HS6ST3: variants seen among roughly 807,000 people sequenced by gnomAD.
HS6ST3 encodes the protein heparan-sulfate 6-O-sulfotransferase 3.
HS6ST3 carries 12 observed loss-of-function variants against 36.7 expected under a neutral mutation model. The ratio of observed to expected loss-of-function variants is 0.33; its 90% CI spans 0.21 to 0.53. The LOEUF (loss-of-function observed/expected upper bound fraction) is 0.53, where lower values mean the gene tolerates loss of function less well. Among genes scored for constraint, HS6ST3 ranks in the 20% least tolerant of loss-of-function variants. The pLI is 0.95. For missense variants in HS6ST3, 584 were observed against 640.9 expected (o/e 0.91, Z 0.96); for synonymous variants, 240 against 257.5 (o/e 0.93, Z 0.65).
intron 1 of HS6ST3, among the ~76,000 whole-genome samples, chr13:96,646,053 T>G (rs1225099851): frequency 6.6e-6 from 1 of 151,534 alleles, no homozygotes; most frequent in Non-Finnish European, 1.5e-5. Flanking sequence ...CAGATAAAAC[T>G]TAGAATTTTC....
chr13:96,104,495 T>G (rs2053832018), intron 1 of HS6ST3, among the ~76,000 whole-genome samples: 1 of 152,214 alleles, frequency 6.6e-6, no homozygotes, highest in Non-Finnish European at 1.5e-5. Flanking sequence ...CTGAAGGAAC[T>G]GCCTCTCCTA....
intron 1 of HS6ST3, among the ~76,000 whole-genome samples, chr13:96,242,574 G>T (rs1480904673): frequency 2.0e-5 from 3 of 151,768 alleles, no homozygotes; most frequent in African/African-American, 7.3e-5. Context: ...GTCCTTCTAT[G>T]ACTAGCCTAT....
In HS6ST3 at chr13:96,497,282, T is replaced by C. The variant is rs115881396; in HGVS notation, c.708-335208T>C. 7.6e-3 allele frequency among the ~76,000 whole-genome samples: 1,155 copies of C among 152,254 alleles called. 12 individuals carry two copies. The highest frequency in any genetic ancestry group is 0.027 in the African/African-American group (1,110 of 41,542). On this transcript the variant is annotated intron_variant, in intron 1 of 1. Transcript: ENST00000376705. The stretch of plus-strand genomic sequence containing the variant: ...AGGACTGCTAATGTTACTACCTGCA[T>C]TGGTGAATTCTGACCCATGAACTTA...
chr13:96,348,311 C>A (rs1015667994), intron 1 of HS6ST3, among the ~76,000 whole-genome samples: 10 of 152,146 alleles, frequency 6.6e-5, no homozygotes, highest in Non-Finnish European at 1.5e-4. Context: ...AGTTGAGGAC[C>A]TATTATTGTA....
intron 1 of HS6ST3, among the ~76,000 whole-genome samples, chr13:96,219,113 A>G (rs2054442059): frequency 1.3e-5 from 2 of 151,450 alleles, no homozygotes; most frequent in African/African-American, 4.9e-5. Context: ...CCTTGCATAC[A>G]GGCATGTTTC....
At chr13:96,645,454 C>T (rs758912163) in intron 1 of HS6ST3, among the ~76,000 whole-genome samples, 1 of 150,514 alleles carries the variant, frequency 6.6e-6, no homozygotes, top group Non-Finnish European at 1.5e-5. Flanking sequence ...ACCTATGATT[C>T]CTTTTATCTA....
chr13:96,284,471 T>C lies in HS6ST3; in HGVS notation c.707+192902T>C, dbSNP rs576654406. On this transcript the variant is annotated intron_variant, in intron 1 of 1. Transcript: ENST00000376705. ...AAGCATCCAGCATGGGAGAAAGATA[T>C]AGGCCAGAGGTCTAAGTCAGTCTAG... Among the ~76,000 whole-genome samples the C allele has an allele frequency of 3.0e-4, 46 of 152,264 alleles. No homozygotes were observed. In the South Asian group the frequency reaches 7.1e-3, roughly 23 times the overall value.
At position 96,799,986 on chromosome 13, in the gene HS6ST3, A is replaced by ATATATATATG. The variant is rs1555325255; in HGVS notation, c.708-32495_708-32494insGTATATATAT. On this transcript the variant is annotated intron_variant, in intron 1 of 1. Transcript: ENST00000376705. ...TATGTGTATATATATATATATGTAT[A>ATATATATATG]TATATATATATGTATATATATATAT... Among the ~76,000 whole-genome samples, 33 of 124,272 alleles carry ATATATATATG rather than the reference A, an allele frequency of 2.7e-4. 3 individuals carry two copies. Among genetic ancestry groups the ATATATATATG allele is most frequent in the East Asian group, 8.5e-4 (4 of 4,690 alleles). 81.5% of individuals were successfully genotyped at this position (124,272 alleles called of 152,430 possible). A position where few individuals can be genotyped will look rare whatever the true frequency, so the allele number is the denominator to read the frequency against.
chr13:96,264,716 G>A (rs2054683222), intron 1 of HS6ST3, among the ~76,000 whole-genome samples: 1 of 152,156 alleles, frequency 6.6e-6, no homozygotes, highest in Non-Finnish European at 1.5e-5. Context: ...GATCTGGGGA[G>A]ATGAGAGGTT....
chr13:96,222,502 C>T (rs2054460875), intron 1 of HS6ST3, among the ~76,000 whole-genome samples: 1 of 152,220 alleles, frequency 6.6e-6, no homozygotes, highest in Non-Finnish European at 1.5e-5. Flanking sequence ...ACAAGATCAG[C>T]AAATGCTAAC....
intron 1 of HS6ST3, among the ~76,000 whole-genome samples, chr13:96,531,590 G>A (rs1292692081): frequency 6.6e-6 from 1 of 152,170 alleles, no homozygotes; most frequent in African/African-American, 2.4e-5. Flanking sequence ...GGTGGTCTGT[G>A]ACCCATTAAT....
At chr13:96,550,690 G>A (rs8000589) in intron 1 of HS6ST3, among the ~76,000 whole-genome samples, 12,796 of 151,728 alleles carry the variant, frequency 0.084, 980 homozygotes, top group African/African-American at 0.21. Flanking sequence ...AAAACTTGGC[G>A]TAATTATGTA....
intron 1 of HS6ST3, among the ~76,000 whole-genome samples, chr13:96,601,146 G>T (rs754273886): frequency 2.6e-5 from 4 of 152,032 alleles, no homozygotes; most frequent in Non-Finnish European, 5.9e-5. Context: ...ATGCTTCGGT[G>T]ATGTCCTTTT....
intron 1 of HS6ST3, among the ~76,000 whole-genome samples, chr13:96,095,991 G>T (rs1288470801): frequency 6.6e-6 from 1 of 151,618 alleles, no homozygotes; most frequent in African/African-American, 2.4e-5. Flanking sequence ...TCAATTGTAG[G>T]TGCAAATACA....
chr13:96,649,542 TTC>T (rs541538220), intron 1 of HS6ST3, among the ~76,000 whole-genome samples: 90 of 152,190 alleles, frequency 5.9e-4, no homozygotes, highest in African/African-American at 2.0e-3. Flanking sequence ...TCCTTGACTC[TTC>T]TCTCTGTTTC....
At chr13:96,245,415 G>A (rs907512775) in intron 1 of HS6ST3, among the ~76,000 whole-genome samples, 6 of 152,240 alleles carry the variant, frequency 3.9e-5, no homozygotes, top group Admixed American at 6.5e-5. Flanking sequence ...CAAGTCTTTT[G>A]ACAATTTAAG....
chr13:96,100,210 G>A (rs2053811292), intron 1 of HS6ST3, among the ~76,000 whole-genome samples: 1 of 151,990 alleles, frequency 6.6e-6, no homozygotes, highest in African/African-American at 2.4e-5. Context: ...TGCAGTTAGG[G>A]GAAGTAATCC....
intron 1 of HS6ST3, among the ~76,000 whole-genome samples, chr13:96,671,019 C>T (rs2056680909): frequency 6.6e-6 from 1 of 152,190 alleles, no homozygotes; most frequent in South Asian, 2.1e-4. Flanking sequence ...TAGGGATAGG[C>T]TTTACTTTAC....
intron 1 of HS6ST3, among the ~76,000 whole-genome samples, chr13:96,486,739 A>G (rs2055917047): frequency 6.6e-6 from 1 of 151,814 alleles, no homozygotes; most frequent in South Asian, 2.1e-4. Context: ...TAAATTTAGG[A>G]GCTCTTGGAT....
Sources: allele counts gnomAD v4.1 joint callset (sites outside exome capture counted in the v4.1 genomes callset), GRCh38; gene constraint gnomAD v4.1.1; transcripts MANE v1.5; gene names NCBI Gene and HGNC (gene_info 2026-07-23, HGNC 2026-07-21).